UBE2E2: variants seen among roughly 807,000 people sequenced by gnomAD.
The protein encoded by UBE2E2 is ubiquitin-conjugating enzyme E2 E2.
Under a neutral mutation model 24.7 loss-of-function variants are expected in UBE2E2, and 6 were observed. That is an observed-to-expected ratio of 0.24 (90% CI 0.13 to 0.48). The LOEUF (loss-of-function observed/expected upper bound fraction) is 0.48, where lower values mean the gene tolerates loss of function less well. UBE2E2 is among the 20% of genes least tolerant of loss of function. The pLI is 0.99. For synonymous variants in UBE2E2, 104 were observed against 83.6 expected (o/e 1.24, Z -1.33); for missense variants, 169 against 245.0 (o/e 0.69, Z 2.07).
At chr3:23,463,337 C>G (rs1698852774) in intron 3 of UBE2E2, among the ~76,000 whole-genome samples, 1 of 152,068 alleles carries the variant, frequency 6.6e-6, no homozygotes, top group African/African-American at 2.4e-5. Flanking sequence ...AAATTCCAGG[C>G]AGCTTGGAAT....
At chr3:23,274,842 A>G (rs1007510261) in intron 3 of UBE2E2, among the ~76,000 whole-genome samples, 2 of 152,222 alleles carry the variant, frequency 1.3e-5, no homozygotes, top group African/African-American at 2.4e-5. Flanking sequence ...AGTGATGTCA[A>G]ATAGTATCCC....
At chr3:23,262,469 TGCG>T (rs1165959092) in intron 3 of UBE2E2, among the ~76,000 whole-genome samples, 2 of 152,090 alleles carry the variant, frequency 1.3e-5, no homozygotes, top group Admixed American at 6.5e-5. Flanking sequence ...TTTGTGGAGA[TGCG>T]GTCTCATTAT....
At chr3:23,323,428 C>A in intron 3 of UBE2E2, 1 of 328,026 alleles carries the variant, frequency 3.0e-6, no homozygotes, top group Admixed American at 4.2e-5. Flanking sequence ...TTGGCATGAC[C>A]CCAGGGCTAG....
intron 3 of UBE2E2, among the ~76,000 whole-genome samples, chr3:23,227,333 T>C (rs1402478273): frequency 6.6e-6 from 1 of 152,198 alleles, no homozygotes; most frequent in African/African-American, 2.4e-5. Context: ...ATTTGTACTT[T>C]CATACTACAT....
intron 3 of UBE2E2, among the ~76,000 whole-genome samples, chr3:23,328,753 C>T (rs1694981133): frequency 6.6e-6 from 1 of 152,002 alleles, no homozygotes. Context: ...CCTCTGCCTC[C>T]TAGATTCAAG....
chr3:23,235,105 C>G (rs1697070572), intron 3 of UBE2E2, among the ~76,000 whole-genome samples: 1 of 152,136 alleles, frequency 6.6e-6, no homozygotes. Context: ...CATCTCCAGC[C>G]TTTGTAGAGC....
intron 3 of UBE2E2, among the ~76,000 whole-genome samples, chr3:23,267,296 A>T (rs1438777720): frequency 1.2e-4 from 19 of 152,134 alleles, no homozygotes; most frequent in Non-Finnish European, 2.4e-4. Flanking sequence ...AACAAAATTG[A>T]TAGACCGCTA....
intron 5 of UBE2E2, among the ~76,000 whole-genome samples, chr3:23,568,268 C>T (rs1696123999): frequency 6.6e-6 from 1 of 152,174 alleles, no homozygotes; most frequent in African/African-American, 2.4e-5. Context: ...TTGTCCTACT[C>T]TTACCCACTG....
At chr3:23,401,528 T>C (rs994291263) in intron 3 of UBE2E2, among the ~76,000 whole-genome samples, 1 of 152,290 alleles carries the variant, frequency 6.6e-6, no homozygotes, top group Non-Finnish European at 1.5e-5. Flanking sequence ...TCTTGTCTGA[T>C]GGCCTTCAAA....
rs886801448 is a variant in UBE2E2, at chr3:23,528,537, G to A, written c.361-4017G>A. Among the ~76,000 whole-genome samples, 7 of 151,904 alleles carry A rather than the reference G, an allele frequency of 4.6e-5. No individual in the cohort carries two copies. The East Asian group carries it at 5.8e-4, about 13-fold the overall frequency. On this transcript the variant is annotated intron_variant, in intron 4 of 5. Transcript: ENST00000396703. Reference sequence around the variant, plus strand: ...GTTCCTGCCTCTTTCTTAAGTCTCCGCCTTTTTACTTTGTTTAGTTTTCTG... The same window carrying A: ...GTTCCTGCCTCTTTCTTAAGTCTCCACCTTTTTACTTTGTTTAGTTTTCTG...
intron 3 of UBE2E2, among the ~76,000 whole-genome samples, chr3:23,371,728 G>C (rs1225685727): frequency 6.6e-6 from 1 of 152,174 alleles, no homozygotes; most frequent in Non-Finnish European, 1.5e-5. Context: ...AATAATAATA[G>C]AGATAGTTTT....
At chr3:23,535,910 C>G (rs1457265023) in intron 5 of UBE2E2, among the ~76,000 whole-genome samples, 1 of 152,218 alleles carries the variant, frequency 6.6e-6, no homozygotes, top group East Asian at 1.9e-4. Flanking sequence ...CGTGAGCCAC[C>G]CAACCAGCCA....
At chr3:23,214,268 T>C (rs998082905) in intron 2 of UBE2E2, among the ~76,000 whole-genome samples, 2 of 152,104 alleles carry the variant, frequency 1.3e-5, no homozygotes, top group South Asian at 2.1e-4. Context: ...CAGTTTTTTT[T>C]CCCTTAGAGA....
intron 3 of UBE2E2, among the ~76,000 whole-genome samples, chr3:23,399,957 G>A (rs1225292449): frequency 2.0e-5 from 3 of 152,032 alleles, no homozygotes; most frequent in African/African-American, 4.8e-5. Flanking sequence ...TTACTACTAC[G>A]CAGGAGGCCA....
chr3:23,290,778 C>CGTG (rs959229392), intron 3 of UBE2E2, among the ~76,000 whole-genome samples: 15 of 150,332 alleles, frequency 1.0e-4, no homozygotes, highest in African/African-American at 3.7e-4. Flanking sequence ...TCTGGCCAGG[C>CGTG]GTGGTGGCTC....
intron 5 of UBE2E2, among the ~76,000 whole-genome samples, chr3:23,548,535 A>G (rs916357954): frequency 2.0e-5 from 3 of 152,184 alleles, no homozygotes; most frequent in African/African-American, 7.2e-5. Flanking sequence ...ACCAGCACTT[A>G]CTTACTTCTT....
At chr3:23,415,332 C>T (rs554868240) in intron 3 of UBE2E2, among the ~76,000 whole-genome samples, 1 of 152,238 alleles carries the variant, frequency 6.6e-6, no homozygotes. Context: ...ATACCTTGCA[C>T]ACAGAGATAC....
chr3:23,424,176 A>G (rs189243360), intron 3 of UBE2E2, among the ~76,000 whole-genome samples: 9 of 152,348 alleles, frequency 5.9e-5, no homozygotes, highest in Admixed American at 5.2e-4. Context: ...AATAAGATAT[A>G]AATGTTTAAG....
intron 3 of UBE2E2, among the ~76,000 whole-genome samples, chr3:23,337,639 T>C (rs1442665928): frequency 6.6e-6 from 1 of 152,112 alleles, no homozygotes; most frequent in African/African-American, 2.4e-5. Flanking sequence ...TTAGCAGGAC[T>C]AAGGCGGGGA....
Sources: gnomAD v4.1 joint callset for allele counts (sites outside exome capture counted in the v4.1 genomes callset) on GRCh38, gnomAD v4.1.1 for gene constraint, MANE v1.5 for transcripts, NCBI Gene and HGNC (gene_info 2026-07-23, HGNC 2026-07-21) for gene names.